Variants in CFAP299 observed in about 807,000 individuals in gnomAD.
CFAP299 encodes cilia and flagella associated protein 299, also known as cilia- and flagella-associated protein 299.
In CFAP299, 21 loss-of-function variants were observed where a neutral mutation model predicts 27.0. The ratio of observed to expected loss-of-function variants is 0.78; its 90% confidence interval spans 0.55 to 1.12. The LOEUF (loss-of-function observed/expected upper bound fraction) is 1.12, where lower values mean the gene tolerates loss of function less well. CFAP299 is among the 50% of genes most tolerant of loss of function. The probability of loss-of-function intolerance (pLI) is 0.00; values close to 1 mark genes in which losing one functional copy is unlikely to be tolerated. For missense variants in CFAP299, 310 were observed against 276.6 expected (o/e 1.12, Z -0.86); for synonymous variants, 104 against 98.1 (o/e 1.06, Z -0.36).
chr4:80,374,093 G>T lies in CFAP299; in HGVS notation c.242+11209G>T, dbSNP rs144869759. On this transcript the variant is annotated intron_variant, in intron 2 of 5. Transcript: ENST00000358105. ...GCCATTGCTTGTTCCAGGTTTCTTGGAGTCACGCTAGCAGAGTTTGCCTCA... is the reference window on the plus strand; with the variant it reads ...GCCATTGCTTGTTCCAGGTTTCTTGTAGTCACGCTAGCAGAGTTTGCCTCA... Among the ~76,000 whole-genome samples the T allele has an allele frequency of 4.1e-4, 62 of 152,194 alleles. No individual in the cohort carries two copies. The East Asian group carries it at 0.011, about 28-fold the overall frequency.
intron 4 of CFAP299, among the ~76,000 whole-genome samples, chr4:80,922,155 G>T (rs1037777697): frequency 6.6e-6 from 1 of 151,984 alleles, no homozygotes; most frequent in Non-Finnish European, 1.5e-5. Context: ...AATGACAGAA[G>T]TTGAAGTTAT....
chr4:80,599,654 A>G (rs1022718467), intron 3 of CFAP299, among the ~76,000 whole-genome samples: 3 of 152,132 alleles, frequency 2.0e-5, no homozygotes, highest in African/African-American at 7.2e-5. Flanking sequence ...TACAAATTCA[A>G]AACTCTCTTA....
intron 2 of CFAP299, among the ~76,000 whole-genome samples, chr4:80,381,381 T>G: frequency 2.2e-3 from 1 of 452 alleles, no homozygotes; most frequent in Non-Finnish European, 0.083. Flanking sequence ...AACATATACA[T>G]TTTTTTTTTT....
intron 2 of CFAP299, among the ~76,000 whole-genome samples, chr4:80,477,576 A>G (rs1413537083): frequency 6.6e-6 from 1 of 152,122 alleles, no homozygotes; most frequent in East Asian, 1.9e-4. Flanking sequence ...TTGATTTACT[A>G]ATATCTGTAA....
At chr4:80,402,261 A>G (rs546030541) in intron 2 of CFAP299, among the ~76,000 whole-genome samples, 1 of 152,128 alleles carries the variant, frequency 6.6e-6, no homozygotes, top group South Asian at 2.1e-4. Context: ...CGAGATTTGG[A>G]GGGGCCAGGG....
chr4:80,452,805 G>C (rs536106788), intron 2 of CFAP299, among the ~76,000 whole-genome samples: 2 of 152,138 alleles, frequency 1.3e-5, no homozygotes, highest in Non-Finnish European at 2.9e-5. Context: ...ACATCCGTCC[G>C]CATTGATGTT....
At chr4:80,676,494 T>C (rs1719463232) in intron 3 of CFAP299, among the ~76,000 whole-genome samples, 1 of 152,196 alleles carries the variant, frequency 6.6e-6, no homozygotes, top group Admixed American at 6.5e-5. Flanking sequence ...AGGTATTCCC[T>C]CCTCTTCAAT....
chr4:80,387,337 A>G lies in CFAP299; in HGVS notation c.242+24453A>G, dbSNP rs970165182. On this transcript the variant is annotated intron_variant, in intron 2 of 5. Coordinates refer to ENST00000358105, the MANE Select transcript of CFAP299 (RefSeq NM_152770.3). Reference sequence around the variant, plus strand: ...ACGTTTGGGCACAGCTTTTGACCACACATTTGTACACCTGCTCGTTCTTAT... The same window carrying G: ...ACGTTTGGGCACAGCTTTTGACCACGCATTTGTACACCTGCTCGTTCTTAT... 46 of 1,543,152 alleles carry G rather than the reference A, an allele frequency of 3.0e-5. No individual in the cohort carries two copies. The African/African-American group carries it at 6.1e-4, about 21-fold the overall frequency.
At chr4:80,571,204 T>C (rs917626561) in intron 2 of CFAP299, among the ~76,000 whole-genome samples, 3 of 152,112 alleles carry the variant, frequency 2.0e-5, no homozygotes, top group African/African-American at 7.2e-5. Context: ...ATCTAAAGTA[T>C]TGTTTTTGTT....
At chr4:80,830,107 C>T (rs1470110766) in intron 3 of CFAP299, among the ~76,000 whole-genome samples, 1 of 151,992 alleles carries the variant, frequency 6.6e-6, no homozygotes, top group African/African-American at 2.4e-5. Flanking sequence ...AAACAAAATG[C>T]AGGCACTAAA....
intron 3 of CFAP299, among the ~76,000 whole-genome samples, chr4:80,705,286 A>C (rs1378203166): frequency 6.6e-6 from 1 of 151,800 alleles, no homozygotes; most frequent in Non-Finnish European, 1.5e-5. Context: ...TCAGTCATTC[A>C]GGGGCCCAGG....
chr4:80,730,163 A>G (rs916920004), intron 3 of CFAP299, among the ~76,000 whole-genome samples: 5 of 151,642 alleles, frequency 3.3e-5, no homozygotes, highest in South Asian at 2.1e-4. Flanking sequence ...CCTGGACCCA[A>G]TGGAGGCATT....
intron 3 of CFAP299, among the ~76,000 whole-genome samples, chr4:80,588,069 T>G (rs1374690966): frequency 2.0e-5 from 3 of 151,238 alleles, no homozygotes; most frequent in Non-Finnish European, 4.4e-5. Context: ...AAATCTAGTC[T>G]TAGTCTGATC....
At chr4:80,792,335 C>T (rs2110099751) in intron 3 of CFAP299, among the ~76,000 whole-genome samples, 1 of 152,064 alleles carries the variant, frequency 6.6e-6, no homozygotes, top group East Asian at 1.9e-4. Flanking sequence ...GTATTTTGAA[C>T]TTTCTGAGTT....
intron 3 of CFAP299, among the ~76,000 whole-genome samples, chr4:80,812,982 C>T (rs1167945396): frequency 6.6e-6 from 1 of 152,002 alleles, no homozygotes; most frequent in African/African-American, 2.4e-5. Flanking sequence ...TTCATTACAG[C>T]ATTCTGTTAA....
intron 3 of CFAP299, among the ~76,000 whole-genome samples, chr4:80,800,054 G>A (rs183957811): frequency 0.043 from 2,297 of 53,406 alleles, 108 homozygotes; most frequent in African/African-American, 0.12. Flanking sequence ...TATAATAAAT[G>A]CTATAATATA....
chr4:80,508,265 A>G (rs1732128223), intron 2 of CFAP299, among the ~76,000 whole-genome samples: 1 of 152,156 alleles, frequency 6.6e-6, no homozygotes, highest in Admixed American at 6.6e-5. Context: ...GGGGTTGTGA[A>G]ATGATACTGT....
chr4:80,855,876 T>C (rs1470358913), intron 3 of CFAP299, among the ~76,000 whole-genome samples: 2 of 151,778 alleles, frequency 1.3e-5, no homozygotes, highest in African/African-American at 4.8e-5. Context: ...TACGTGTGCA[T>C]GTGTCTTTAT....
At chr4:80,740,547 TG>T (rs1292536005) in intron 3 of CFAP299, among the ~76,000 whole-genome samples, 16 of 152,184 alleles carry the variant, frequency 1.1e-4, no homozygotes, top group Non-Finnish European at 1.9e-4. Context: ...CCATCACCAC[TG>T]GGACTGCACT....
Sources: gnomAD v4.1 joint callset for allele counts (sites outside exome capture counted in the v4.1 genomes callset) on GRCh38, gnomAD v4.1.1 for gene constraint, MANE v1.5 for transcripts, NCBI Gene and HGNC (gene_info 2026-07-23, HGNC 2026-07-21) for gene names.